TENT4B: variants seen among roughly 807,000 people sequenced by gnomAD.
The protein encoded by TENT4B is PAP associated domain containing 5.
In TENT4B, 10 loss-of-function variants were observed where a neutral mutation model predicts 75.0. The observed-to-expected ratio is 0.13, with a 90% CI of 0.08 to 0.23. TENT4B has a LOEUF of 0.23. TENT4B is among the 10% of genes least tolerant of loss of function. TENT4B has a pLI of 1.00. For synonymous variants in TENT4B, 350 were observed against 357.7 expected (o/e 0.98, Z 0.24); for missense variants, 579 against 893.8 (o/e 0.65, Z 4.49).
intron 1 of TENT4B, among the ~76,000 whole-genome samples, chr16:50,181,642 A>G (rs973342594): frequency 6.6e-6 from 1 of 151,956 alleles, no homozygotes; most frequent in Non-Finnish European, 1.5e-5. Context: ...TAAAAGCCAC[A>G]TTCCTACTGA....
chr16:50,197,721 C>A (rs532512543), intron 1 of TENT4B, among the ~76,000 whole-genome samples: 1 of 152,116 alleles, frequency 6.6e-6, no homozygotes, highest in Non-Finnish European at 1.5e-5. Context: ...GTACCGAAAA[C>A]GGAAGTGAGG....
chr16:50,194,178 C>T (rs1327207206), intron 1 of TENT4B, among the ~76,000 whole-genome samples: 1 of 150,724 alleles, frequency 6.6e-6, no homozygotes, highest in Admixed American at 6.6e-5. Context: ...TATCTTCTCT[C>T]TCTTTTCTTT....
intron 5 of TENT4B, among the ~76,000 whole-genome samples, chr16:50,220,633 A>T (rs891928603): frequency 1.3e-5 from 2 of 152,058 alleles, no homozygotes; most frequent in Non-Finnish European, 2.9e-5. Context: ...AGTTCAAACG[A>T]TTCTTGTGCC....
At chr16:50,199,659 A>T (rs1309739249) in intron 1 of TENT4B, among the ~76,000 whole-genome samples, 1 of 152,206 alleles carries the variant, frequency 6.6e-6, no homozygotes, top group Non-Finnish European at 1.5e-5. Flanking sequence ...TTACGTAGTA[A>T]TATGCATTTA....
In TENT4B at chr16:50,230,350, G is replaced by A. The variant is rs1358254980; in HGVS notation, c.*1022G>A. On this transcript the variant is annotated 3_prime_UTR_variant, in exon 12 of 12. Coordinates refer to ENST00000561678, the MANE Select transcript of TENT4B (RefSeq NM_001365324.3). ...CATGTCTGGTCTCATTCCTGTTGCA[G>A]TGAAACTTCGAGTTCCACAGACTTT... 2 of 981,136 alleles carry A rather than the reference G, an allele frequency of 2.0e-6. No individual in the cohort carries two copies. Among genetic ancestry groups the A allele is most frequent in the South Asian group, 4.7e-5 (1 of 21,064 alleles). The allele number at this position is 981,136 out of a possible 1,614,324, so 60.8% of individuals were successfully genotyped here. A position where few individuals can be genotyped will look rare whatever the true frequency, so the allele number is the denominator to read the frequency against.
intron 5 of TENT4B, among the ~76,000 whole-genome samples, chr16:50,221,090 C>T (rs983903923): frequency 6.6e-6 from 1 of 151,976 alleles, no homozygotes; most frequent in Non-Finnish European, 1.5e-5. Flanking sequence ...AGTTCAAGAC[C>T]AGCCCGGGCA....
intron 1 of TENT4B, among the ~76,000 whole-genome samples, chr16:50,163,030 G>A (rs1274598720): frequency 6.6e-6 from 1 of 152,202 alleles, no homozygotes; most frequent in East Asian, 1.9e-4. Flanking sequence ...AGAATAAATT[G>A]TTTTATCTAA....
Position 50,230,677 on chromosome 16 carries a change from T to A in TENT4B, c.*1349T>A. Reference sequence around the variant, plus strand: ...TTGTTATCGTTAATTAAAACTTTTTTAAACATTGGCTTGTTTCAATCATAC... The same window carrying A: ...TTGTTATCGTTAATTAAAACTTTTTAAAACATTGGCTTGTTTCAATCATAC... On this transcript the variant is annotated 3_prime_UTR_variant, in exon 12 of 12. Coordinates refer to ENST00000561678, the MANE Select transcript of TENT4B (RefSeq NM_001365324.3). The A allele has an allele frequency of 1.0e-6, 1 of 985,694 alleles. No homozygotes were observed. The highest frequency in any genetic ancestry group is 1.2e-6 in the Non-Finnish European group (1 of 829,760). The allele number at this position is 985,694 out of a possible 1,614,324, so 61.1% of individuals were successfully genotyped here. A position where few individuals can be genotyped will look rare whatever the true frequency, so the allele number is the denominator to read the frequency against.
chr16:50,165,053 G>T (rs2038073072), intron 1 of TENT4B, among the ~76,000 whole-genome samples: 1 of 85,534 alleles, frequency 1.2e-5, no homozygotes, highest in South Asian at 4.9e-4. Flanking sequence ...GACCTCGTCT[G>T]AAAAATTTTT....
At chr16:50,184,790 A>G (rs1446783273) in intron 1 of TENT4B, among the ~76,000 whole-genome samples, 1 of 152,038 alleles carries the variant, frequency 6.6e-6, no homozygotes, top group Admixed American at 6.6e-5. Context: ...GCTGGAGTGT[A>G]GTAGGCTTAC....
chr16:50,207,977 C>T (rs1298785389), intron 1 of TENT4B, among the ~76,000 whole-genome samples: 3 of 152,178 alleles, frequency 2.0e-5, no homozygotes. Context: ...AAGTTTATTT[C>T]CTCAGTATTC....
At chr16:50,163,282 T>C (rs1363176915) in intron 1 of TENT4B, among the ~76,000 whole-genome samples, 1 of 152,220 alleles carries the variant, frequency 6.6e-6, no homozygotes, top group African/African-American at 2.4e-5. Flanking sequence ...TTGGAAATTT[T>C]AGTGTCCTTG....
At chr16:50,224,544 G>C (rs889758310) in intron 7 of TENT4B, 113 bp from the exon 8 acceptor site, 5 of 1,354,044 alleles carry the variant, frequency 3.7e-6, no homozygotes, top group Non-Finnish European at 4.0e-6. Flanking sequence ...CAGCTTCCAG[G>C]CACAACTCTG....
At chr16:50,167,750 T>G (rs1336794501) in intron 1 of TENT4B, among the ~76,000 whole-genome samples, 1 of 151,714 alleles carries the variant, frequency 6.6e-6, no homozygotes, top group Non-Finnish European at 1.5e-5. Flanking sequence ...CTCTGCCTCC[T>G]CGGTTCAAGC....
At chr16:50,176,073 C>G (rs990061909) in intron 1 of TENT4B, among the ~76,000 whole-genome samples, 13 of 151,380 alleles carry the variant, frequency 8.6e-5, no homozygotes, top group Non-Finnish European at 1.8e-4. Context: ...ATGAGGCACT[C>G]AGCCCAGCCA....
chr16:50,191,740 A>G (rs1280410588), intron 1 of TENT4B, among the ~76,000 whole-genome samples: 4 of 151,530 alleles, frequency 2.6e-5, no homozygotes, highest in Non-Finnish European at 5.9e-5. Context: ...ACCAACATGG[A>G]GAAACCCTGT....
Position 50,153,915 on chromosome 16 carries a change from G to A in TENT4B, c.294G>A (p.Ala98=). Reference sequence around the variant, plus strand: ...TGCTGGGCAGCCACGCGCTGCCCGCGGAGCAGCGGGACTTCCTGCCCCTAG... The same window carrying A: ...TGCTGGGCAGCCACGCGCTGCCCGCAGAGCAGCGGGACTTCCTGCCCCTAG... ...ERLLGSHALP[A]EQRDFLPLET... is the part of the protein sequence containing the mutation. Residue 98 remains alanine (A), a synonymous_variant, in exon 1 of 12, where the codon GCG becomes GCA. Coordinates refer to ENST00000561678, the MANE Select transcript of TENT4B (RefSeq NM_001365324.3). 6.5e-7 allele frequency: 1 copy of A among 1,526,802 alleles called. No homozygotes were observed. The highest frequency in any genetic ancestry group is 8.7e-7 in the Non-Finnish European group (1 of 1,143,686). 94.6% of individuals were successfully genotyped at this position (1,526,802 alleles called of 1,614,324 possible).
chr16:50,233,880 C>T lies in TENT4B; in HGVS notation c.*4552C>T. ...TTACTGAGAGATATTTTAGCTATGT[C>T]AATAAGAACAGCTAATGATGTGGAA... On this transcript the variant is annotated 3_prime_UTR_variant, in exon 12 of 12. Coordinates refer to ENST00000561678, the MANE Select transcript of TENT4B (RefSeq NM_001365324.3). 1 of 985,374 alleles carries T rather than the reference C, an allele frequency of 1.0e-6. No individual in the cohort carries two copies. Among genetic ancestry groups the T allele is most frequent in the Non-Finnish European group, 1.2e-6 (1 of 829,916 alleles). 61.0% of individuals were successfully genotyped at this position (985,374 alleles called of 1,614,324 possible). A position where few individuals can be genotyped will look rare whatever the true frequency, so the allele number is the denominator to read the frequency against.
chr16:50,156,695 C>T (rs971281788), intron 1 of TENT4B, among the ~76,000 whole-genome samples: 1 of 151,962 alleles, frequency 6.6e-6, no homozygotes, highest in African/African-American at 2.4e-5. Context: ...CACTCTGCTG[C>T]CTAGGCTGGA....
Sources: gnomAD v4.1 joint callset for allele counts (sites outside exome capture counted in the v4.1 genomes callset) on GRCh38, gnomAD v4.1.1 for gene constraint, MANE v1.5 for transcripts, NCBI Gene and HGNC (gene_info 2026-07-23, HGNC 2026-07-21) for gene names.